The following DGKK variants were observed in gnomAD, a reference collection of about 807,000 sequenced individuals.
The protein encoded by DGKK is 142 kDa diacylglycerol kinase.
A neutral mutation model predicts 92.2 loss-of-function variants in DGKK; 35 were observed. The ratio of observed to expected loss-of-function variants is 0.38; its 90% CI spans 0.29 to 0.50. The LOEUF is 0.50. DGKK is among the 20% of genes least tolerant of loss of function. DGKK has a pLI of 0.92. For missense variants in DGKK, 910 were observed against 992.2 expected (o/e 0.92, Z 1.11); for synonymous variants, 368 against 360.6 (o/e 1.02, Z -0.23).
rs184380695 is a variant in DGKK at position 50,423,691 on chromosome X, G to A, written c.756+557C>T. ...TATACTACTGAGAACAAAATACTAC[G>A]CTTGTATGAGCTACTAAACACAAAT... On this transcript the variant is annotated intron_variant, in intron 2 of 27. Coordinates refer to ENST00000611977, the MANE Select transcript of DGKK (RefSeq NM_001013742.4). Among the ~76,000 whole-genome samples the A allele has an allele frequency of 3.6e-5, 4 of 111,588 alleles. No individual in the cohort carries two copies. The East Asian group carries it at 1.1e-3, about 32-fold the overall frequency.
chrX:50,382,396 T>C, intron 18 of DGKK, 100 bp downstream of exon 18: 1 of 627,836 alleles, frequency 1.6e-6, no homozygotes, highest in Non-Finnish European at 2.4e-6. Flanking sequence ...AGTGGGTCCC[T>C]TTCTTTCTGT....
At chrX:50,443,920 G>C (rs1456612011) in intron 1 of DGKK, among the ~76,000 whole-genome samples, 1 of 110,728 alleles carries the variant, frequency 9.0e-6, no homozygotes, top group Non-Finnish European at 1.9e-5. Context: ...TCTATAATTT[G>C]TTAATTCACA....
At chrX:50,376,241 GGGT>G in intron 23 of DGKK, 76 bp from the exon 24 acceptor site, 1 of 1,087,819 alleles carries the variant, frequency 9.2e-7, no homozygotes, top group Admixed American at 2.4e-5. Context: ...GTGAGGGTTT[GGGT>G]AAGGGTAGAA....
Position 50,466,581 on chromosome X carries a change from C to T in DGKK, c.645+3453G>A, listed in dbSNP as rs1387862746. On this transcript the variant is annotated intron_variant, in intron 1 of 27. Coordinates refer to ENST00000611977, the MANE Select transcript of DGKK (RefSeq NM_001013742.4). ...TCCATGCCATTTAAATAAGTATTTA[C>T]TTCTCACTCTGAAACCAATGAGAAC... 4.5e-5 allele frequency among the ~76,000 whole-genome samples: 5 copies of T among 111,731 alleles called. No homozygotes were observed. In the East Asian group the frequency reaches 1.4e-3, roughly 31 times the overall value.
At chrX:50,400,838 A>G (rs1323180653) in intron 8 of DGKK, among the ~76,000 whole-genome samples, 199 bp downstream of exon 8, 1 of 111,413 alleles carries the variant, frequency 9.0e-6, no homozygotes, top group Non-Finnish European at 1.9e-5. Flanking sequence ...ATGCCCACAT[A>G]CATATACACC....
intron 8 of DGKK, among the ~76,000 whole-genome samples, chrX:50,399,525 C>A (rs887451525): frequency 8.9e-6 from 1 of 111,915 alleles, no homozygotes; most frequent in African/African-American, 3.2e-5. Flanking sequence ...ATATCCCACA[C>A]GTCAGAGATG....
At chrX:50,436,107 C>A (rs1248100192) in intron 1 of DGKK, among the ~76,000 whole-genome samples, 1 of 111,897 alleles carries the variant, frequency 8.9e-6, no homozygotes, top group South Asian at 3.7e-4. Flanking sequence ...ATGTTGTGGG[C>A]CTTGGTTCCA....
At chrX:50,400,812 C>T (rs782650424) in intron 8 of DGKK, among the ~76,000 whole-genome samples, 1 of 111,101 alleles carries the variant, frequency 9.0e-6, no homozygotes, top group South Asian at 4.0e-4. Flanking sequence ...ACAATTGTGA[C>T]CGAGCTACAG....
chrX:50,427,577 T>TTAATAATAATAATAA (rs75113899), intron 1 of DGKK, among the ~76,000 whole-genome samples: 1 of 98,025 alleles, frequency 1.0e-5, no homozygotes, highest in Non-Finnish European at 2.0e-5. Flanking sequence ...ATGCAAGACG[T>TTAATAATAATAATAA]TAATAATAAT....
chrX:50,379,955 G>C (rs1924373875), intron 19 of DGKK, 26 bp downstream of exon 19: 2 of 1,191,262 alleles, frequency 1.7e-6, no homozygotes, highest in Non-Finnish European at 2.3e-6. Flanking sequence ...CCATACCCAG[G>C]AAAGACTACC....
intron 1 of DGKK, 26 bp from the exon 2 acceptor site, chrX:50,424,384 G>A (rs782249053): frequency 1.6e-5 from 18 of 1,149,468 alleles, no homozygotes; most frequent in Non-Finnish European, 2.1e-5. Context: ...ATGGTGTTGA[G>A]CAATTAGATC....
At chrX:50,438,235 C>T (rs187954494) in intron 1 of DGKK, among the ~76,000 whole-genome samples, 1 of 111,203 alleles carries the variant, frequency 9.0e-6, no homozygotes, top group East Asian at 2.9e-4. Context: ...CCCTTCCACC[C>T]CTCCATGCAT....
chrX:50,395,352 T>C (rs1264149679), intron 8 of DGKK, among the ~76,000 whole-genome samples: 5 of 111,037 alleles, frequency 4.5e-5, no homozygotes, highest in African/African-American at 1.6e-4. Flanking sequence ...AGTGAGCATA[T>C]GACTTTGGGT....
chrX:50,388,508 G>A lies in DGKK; in HGVS notation c.2018+19C>T. On this transcript the variant is annotated intron_variant, in intron 13 of 27. Transcript: ENST00000611977. ...ACCTGGGAACAGCCCCAAAGGATGA[G>A]AGCCAAAGGAAGACTGACCTGGTTG... The A allele has an allele frequency of 8.5e-7, 1 of 1,176,758 alleles. No individual in the cohort carries two copies. Among genetic ancestry groups the A allele is most frequent in the Non-Finnish European group, 1.2e-6 (1 of 867,138 alleles).
intron 26 of DGKK, among the ~76,000 whole-genome samples, chrX:50,371,379 C>T (rs782388843): frequency 8.9e-6 from 1 of 112,015 alleles, no homozygotes; most frequent in Non-Finnish European, 1.9e-5. Flanking sequence ...GTCCTGGCAG[C>T]AGGTGCTGAG....
intron 1 of DGKK, among the ~76,000 whole-genome samples, chrX:50,425,540 CAT>C (rs1487254482): frequency 1.8e-5 from 2 of 108,134 alleles, no homozygotes; most frequent in African/African-American, 7.0e-5. Flanking sequence ...CACACACACA[CAT>C]ACACACACAC....
rs782756929 is a variant in DGKK, at chrX:50,378,202, C to T, written c.3007G>A (p.Glu1003Lys). ...CHEVMITIDG[E>K]EGIPVQVDGE... ...TCCACCTGCACTGGGATACCTTCTT[C>T]ACCATCAATGGTTATCATCACCTCA... Residue 1003 changes from glutamate (E) to lysine (K), a missense_variant, in exon 22 of 28, where the codon GAA (glutamate) becomes AAA (lysine). Physicochemically the swap from Glu to Lys is moderately conservative, Grantham distance 56. Transcript: ENST00000611977. 8.3e-7 allele frequency: 1 copy of T among 1,210,786 alleles called. No homozygotes were observed. The highest frequency in any genetic ancestry group is 1.7e-5 in the African/African-American group (1 of 57,718).
intron 1 of DGKK, among the ~76,000 whole-genome samples, chrX:50,437,166 G>A (rs1926050952): frequency 9.0e-6 from 1 of 111,404 alleles, no homozygotes; most frequent in Non-Finnish European, 1.9e-5. Flanking sequence ...TCTCAGTATT[G>A]CCTCCCCTCC....
At chrX:50,397,872 A>T (rs181393673) in intron 8 of DGKK, among the ~76,000 whole-genome samples, 12 of 111,408 alleles carry the variant, frequency 1.1e-4, no homozygotes, top group Non-Finnish European at 5.6e-5. Context: ...TTATAATGTC[A>T]TGTGTTAGGT....
Sources: gnomAD v4.1 joint callset for allele counts (sites outside exome capture counted in the v4.1 genomes callset) on GRCh38, gnomAD v4.1.1 for gene constraint, MANE v1.5 for transcripts, NCBI Gene and HGNC (gene_info 2026-07-23, HGNC 2026-07-21) for gene names.